The following TSPAN11 variants were observed in gnomAD, a reference collection of about 807,000 sequenced individuals.
TSPAN11 encodes tetraspanin 11.
TSPAN11 carries 29 observed loss-of-function variants against 32.9 expected under a neutral mutation model. The ratio of observed to expected loss-of-function variants is 0.88; its 90% CI spans 0.66 to 1.20. TSPAN11 has a LOEUF of 1.20. Among genes scored for constraint, TSPAN11 ranks in the 50% most tolerant of loss-of-function variants. The pLI is 0.00. For missense variants in TSPAN11, 283 were observed against 329.1 expected (o/e 0.86, Z 1.08); for synonymous variants, 140 against 141.3 (o/e 0.99, Z 0.07).
At chr12:31,002,868 G>C in the TSPAN11 span, among the ~76,000 whole-genome samples, 55 of 152,256 alleles carry the variant, frequency 3.6e-4, no homozygotes, top group African/African-American at 1.2e-3. The surrounding 1 kb of genome is among the most constrained non-coding windows in gnomAD (Gnocchi z 4.8). Flanking sequence ...CCTCCCCAGA[G>C]AGCCCAAGAT....
chr12:31,015,282 T>A, the TSPAN11 span, among the ~76,000 whole-genome samples: 1 of 152,200 alleles, frequency 6.6e-6, no homozygotes, highest in South Asian at 2.1e-4. The surrounding 1 kb of genome is among the most constrained non-coding windows in gnomAD (Gnocchi z 4.9). Flanking sequence ...TACCCCTGTC[T>A]CATAAGGCAG....
chr12:30,990,545 T>G (rs1030683286), intron 7 of TSPAN11, among the ~76,000 whole-genome samples: 1 of 152,154 alleles, frequency 6.6e-6, no homozygotes, highest in Non-Finnish European at 1.5e-5. Flanking sequence ...AGGCCCCAGG[T>G]GGATTAACAC....
intron 2 of TSPAN11, among the ~76,000 whole-genome samples, chr12:30,961,995 T>A (rs1938622335): frequency 6.6e-6 from 1 of 152,034 alleles, no homozygotes; most frequent in African/African-American, 2.4e-5. Flanking sequence ...TAAAACCTAT[T>A]CTAGGATTTC....
At chr12:30,973,069 G>A (rs1443442492) in intron 3 of TSPAN11, among the ~76,000 whole-genome samples, 1 of 152,156 alleles carries the variant, frequency 6.6e-6, no homozygotes, top group Admixed American at 6.5e-5. Context: ...CCCTAAGTGA[G>A]CCCAGTGAGC....
At chr12:30,950,651 G>C (rs1436693917) in intron 1 of TSPAN11, among the ~76,000 whole-genome samples, 1 of 152,180 alleles carries the variant, frequency 6.6e-6, no homozygotes, top group Non-Finnish European at 1.5e-5. Context: ...CACTCAGTTT[G>C]CAGGTAAGCA....
Position 30,994,708 on chromosome 12 carries a change from G to C in TSPAN11, c.*2793G>C, listed in dbSNP as rs551107096. On this transcript the variant is annotated 3_prime_UTR_variant, in exon 8 of 8. Coordinates refer to ENST00000546076, the MANE Select transcript of TSPAN11 (RefSeq NM_001370302.1). ...GCAGAGTAAGTGGGGAGTGTGTCCA[G>C]GGATTTTTTTGTGTTTACCAAGGTC... 3.9e-5 allele frequency: 6 copies of C among 152,348 alleles called. No homozygotes were observed. The highest frequency in any genetic ancestry group is 1.4e-4 in the African/African-American group (6 of 41,564). 9.4% of individuals were successfully genotyped at this position (152,348 alleles called of 1,614,324 possible).
At chr12:30,964,055 C>G (rs770749413) in intron 3 of TSPAN11, 38 bp downstream of exon 3, 1 of 1,590,076 alleles carries the variant, frequency 6.3e-7, no homozygotes, top group Non-Finnish European at 8.6e-7. Context: ...GATGGGGAGC[C>G]CTGCACCACC....
At chr12:30,926,872 T>G in intron 1 of TSPAN11, 76 bp downstream of exon 1, 1 of 1,198,076 alleles carries the variant, frequency 8.3e-7, no homozygotes, top group Non-Finnish European at 1.1e-6. Flanking sequence ...CGCCTCCACC[T>G]CCGCTGCCCG....
At chr12:30,953,278 A>G (rs1938417430) in intron 1 of TSPAN11, among the ~76,000 whole-genome samples, 1 of 152,196 alleles carries the variant, frequency 6.6e-6, no homozygotes, top group Admixed American at 6.5e-5. Flanking sequence ...CCTATGATAT[A>G]TGTGTCATTA....
intron 2 of TSPAN11, among the ~76,000 whole-genome samples, chr12:30,956,531 C>G (rs1349113709): frequency 6.6e-6 from 1 of 150,896 alleles, no homozygotes; most frequent in African/African-American, 2.5e-5. Context: ...TCACCCTGTC[C>G]CTCACTCCCA....
intron 1 of TSPAN11, among the ~76,000 whole-genome samples, chr12:30,950,334 A>C (rs962888316): frequency 1.3e-5 from 2 of 152,086 alleles, no homozygotes; most frequent in African/African-American, 4.8e-5. Context: ...ATCCCTAATT[A>C]TTTTTTCCTT....
At chr12:30,929,904 G>T (rs553783646) in intron 1 of TSPAN11, among the ~76,000 whole-genome samples, 12 of 152,346 alleles carry the variant, frequency 7.9e-5, no homozygotes, top group Admixed American at 7.2e-4. Flanking sequence ...CAGGTTTGGG[G>T]CTCAGAATCT....
chr12:30,987,569 T>C (rs1715646163), intron 7 of TSPAN11, among the ~76,000 whole-genome samples: 1 of 151,480 alleles, frequency 6.6e-6, no homozygotes, highest in Non-Finnish European at 1.5e-5. Flanking sequence ...ATCATGCCAC[T>C]GCACTCCAGG....
intron 1 of TSPAN11, chr12:30,927,025 A>G (rs1592453918): frequency 2.3e-6 from 3 of 1,284,456 alleles, no homozygotes; most frequent in African/African-American, 1.5e-5. Context: ...TCTGCATGGG[A>G]CACGCAACAC....
chr12:30,970,668 T>C (rs1938829966), intron 3 of TSPAN11, among the ~76,000 whole-genome samples: 1 of 152,144 alleles, frequency 6.6e-6, no homozygotes, highest in Non-Finnish European at 1.5e-5. Context: ...GCCCTCACTG[T>C]AAAGCCACTT....
chr12:31,003,320 T>C, the TSPAN11 span, among the ~76,000 whole-genome samples: 8 of 152,170 alleles, frequency 5.3e-5, no homozygotes, highest in Non-Finnish European at 7.4e-5. Context: ...GAACATCTAC[T>C]CTATGCATGG....
rs1592500919 is a variant in TSPAN11 at position 30,992,004 on chromosome 12, A to G, written c.*89A>G. The G allele has an allele frequency of 3.5e-6, 5 of 1,443,278 alleles. No individual in the cohort carries two copies. In the East Asian group the frequency reaches 6.8e-5, roughly 20 times the overall value. 89.4% of individuals were successfully genotyped at this position (1,443,278 alleles called of 1,614,324 possible). ...GGCCTGCAGAGTTAGCACCAGCTCC[A>G]CTAGGGCCATAGATGCCCCCTCCTT... is the stretch of plus-strand genomic sequence containing the variant. On this transcript the variant is annotated 3_prime_UTR_variant, in exon 8 of 8. Coordinates refer to ENST00000546076, the MANE Select transcript of TSPAN11 (RefSeq NM_001370302.1).
intron 3 of TSPAN11, among the ~76,000 whole-genome samples, chr12:30,969,962 C>T (rs1208280733): frequency 6.6e-6 from 1 of 152,200 alleles, no homozygotes; most frequent in Non-Finnish European, 1.5e-5. Context: ...TGGGCTTTCC[C>T]TAACTTCCAG....
intron 1 of TSPAN11, among the ~76,000 whole-genome samples, chr12:30,929,593 T>C (rs1016021345): frequency 2.0e-5 from 3 of 151,976 alleles, no homozygotes; most frequent in Non-Finnish European, 4.4e-5. Flanking sequence ...CTATTGGGGG[T>C]GTTCCCAGGC....
Sources: allele counts gnomAD v4.1 joint callset (sites outside exome capture counted in the v4.1 genomes callset), GRCh38; gene constraint gnomAD v4.1.1; non-coding constraint Gnocchi (gnomAD v3.1); transcripts MANE v1.5; gene names NCBI Gene and HGNC (gene_info 2026-07-23, HGNC 2026-07-21).